HMCN1: variants seen among roughly 807,000 people sequenced by gnomAD.
The protein encoded by HMCN1 is hemicentin 1.
Under a neutral mutation model 625.9 loss-of-function variants are expected in HMCN1, and 321 were observed. That is an observed-to-expected ratio of 0.51 (90% CI 0.47 to 0.56). HMCN1 has a LOEUF of 0.56. Among genes scored for constraint, HMCN1 ranks in the 20% least tolerant of loss-of-function variants. HMCN1 has a pLI of 0.00. For missense variants in HMCN1, 6,588 were observed against 6,887.3 expected, an observed-to-expected ratio of 0.96 and a Z score of 1.54; for synonymous variants, 2,425 against 2,417.6, an observed-to-expected ratio of 1.00 and a Z score of -0.09.
intron 93 of HMCN1, among the ~76,000 whole-genome samples, chr1:186,148,010 G>T (rs1558259842): frequency 6.6e-6 from 1 of 152,170 alleles, no homozygotes; most frequent in African/African-American, 2.4e-5. Context: ...CTGTTAAATA[G>T]CACTTTACCC....
chr1:186,036,514 A>T (rs924067983), intron 36 of HMCN1, among the ~76,000 whole-genome samples: 4 of 152,042 alleles, frequency 2.6e-5, no homozygotes, highest in Non-Finnish European at 5.9e-5. Context: ...TTATCTACCA[A>T]TGGGTCCCTC....
chr1:186,108,035 TAAAAA>T (rs559777006), intron 70 of HMCN1, among the ~76,000 whole-genome samples: 1 of 98,308 alleles, frequency 1.0e-5, no homozygotes, highest in Non-Finnish European at 2.0e-5. Flanking sequence ...GTAAATTCTG[TAAAAA>T]AAAAAAAAAA....
intron 4 of HMCN1, among the ~76,000 whole-genome samples, chr1:185,878,841 G>GTCTTCAGCCCT (rs1245124933): frequency 1.3e-5 from 2 of 152,040 alleles, no homozygotes; most frequent in African/African-American, 4.8e-5. Context: ...TACTCTGTGC[G>GTCTTCAGCCCT]GATGATGTCC....
At chr1:186,117,691 C>G in intron 77 of HMCN1, 68 bp downstream of exon 77, 7 of 1,428,154 alleles carry the variant, frequency 4.9e-6, no homozygotes, top group Non-Finnish European at 3.0e-6. Flanking sequence ...TCTTACCTGG[C>G]CTTTGTTGCA....
chr1:185,867,064 T>A (rs1319027374), intron 4 of HMCN1, among the ~76,000 whole-genome samples: 1 of 152,222 alleles, frequency 6.6e-6, no homozygotes, highest in East Asian at 1.9e-4. Flanking sequence ...GTTCTTATTA[T>A]ATCAAGGTGG....
intron 48 of HMCN1, 39 bp downstream of exon 48, chr1:186,062,639 C>T (rs760063941): frequency 7.6e-7 from 1 of 1,319,892 alleles, no homozygotes; most frequent in Admixed American, 1.7e-5. Context: ...GCTCCCCCCA[C>T]TCACTGATAG....
chr1:185,849,181 A>C (rs1328723400), intron 2 of HMCN1, among the ~76,000 whole-genome samples: 1 of 152,102 alleles, frequency 6.6e-6, no homozygotes, highest in East Asian at 1.9e-4. Flanking sequence ...GAGGCCTTGC[A>C]TAGAGCTTCC....
Position 186,152,748 on chromosome 1 carries a change from AGG to A in HMCN1, c.14897-1_14897del. On this transcript the variant is annotated splice_acceptor_variant and coding_sequence_variant, in exon 96 of 107. Coordinates refer to ENST00000271588, the MANE Select transcript of HMCN1 (RefSeq NM_031935.3). LOFTEE classifies it high-confidence loss of function. ...TCAAAATGAATGTCTTGTAATTCCC[AGG>A]AGAAATCTTGCAGATGAGTCATATT... 1 of 1,613,788 alleles carries A rather than the reference AGG, an allele frequency of 6.2e-7. No homozygotes were observed. Among genetic ancestry groups the A allele is most frequent in the Non-Finnish European group, 8.5e-7 (1 of 1,179,722 alleles).
At chr1:186,115,655 T>C (rs942059154) in intron 75 of HMCN1, among the ~76,000 whole-genome samples, 3 of 152,204 alleles carry the variant, frequency 2.0e-5, no homozygotes, top group African/African-American at 7.2e-5. Context: ...TAGGATTAGA[T>C]TTATATCCTG....
intron 36 of HMCN1, among the ~76,000 whole-genome samples, chr1:186,029,519 G>C (rs147966327): frequency 3.4e-5 from 5 of 146,440 alleles, no homozygotes; most frequent in South Asian, 4.4e-4. Flanking sequence ...GCATACAACT[G>C]TTTGTAATCT....
chr1:186,014,076 AG>A (rs1239146850), intron 30 of HMCN1, among the ~76,000 whole-genome samples: 1 of 152,160 alleles, frequency 6.6e-6, no homozygotes, highest in East Asian at 1.9e-4. Context: ...GGGTTACCAA[AG>A]GTACATGCTG....
chr1:186,175,458 T>C (rs572928525), intron 103 of HMCN1, among the ~76,000 whole-genome samples: 7 of 152,324 alleles, frequency 4.6e-5, no homozygotes, highest in African/African-American at 1.7e-4. Flanking sequence ...AGCATAATAT[T>C]TTGTATGTAC....
chr1:185,975,268 G>A (rs1651116171), intron 15 of HMCN1, among the ~76,000 whole-genome samples: 1 of 152,124 alleles, frequency 6.6e-6, no homozygotes, highest in Non-Finnish European at 1.5e-5. Flanking sequence ...CAAAGACTGG[G>A]TAATTTGTGA....
At chr1:186,104,032 C>T (rs924396716) in intron 69 of HMCN1, among the ~76,000 whole-genome samples, 5 of 152,096 alleles carry the variant, frequency 3.3e-5, no homozygotes, top group African/African-American at 1.2e-4. Flanking sequence ...CACTTTTGAT[C>T]TCCAAAATGA....
At chr1:185,913,261 G>GT (rs1398436843) in intron 6 of HMCN1, among the ~76,000 whole-genome samples, 7 of 152,100 alleles carry the variant, frequency 4.6e-5, no homozygotes, top group South Asian at 4.1e-4. Flanking sequence ...CTTCCTGCCT[G>GT]TTTTTTTTCC....
intron 33 of HMCN1, 36 bp downstream of exon 33, chr1:186,017,107 C>T (rs41317473): frequency 0.013 from 15,053 of 1,125,170 alleles, 154 homozygotes; most frequent in Middle Eastern, 0.031. Flanking sequence ...ATACCTCCTG[C>T]TTTTTGTTTT....
At chr1:186,129,840 C>A in intron 83 of HMCN1, 126 bp from the exon 84 acceptor site, 1 of 1,130,684 alleles carries the variant, frequency 8.8e-7, no homozygotes, top group Non-Finnish European at 1.3e-6. Flanking sequence ...AGGCTCTCTT[C>A]TCCAATGTCA....
Position 186,038,995 on chromosome 1 carries a change from G to A in HMCN1, c.6018G>A (p.Leu2006=), listed in dbSNP as rs576917433. The change falls in exon 38 of 107, where the codon CTG becomes CTA. Residue 2006 remains leucine (L), a synonymous_variant. Transcript: ENST00000271588. ...SAGATELFYS[L]QVHVAPSISG... The stretch of plus-strand genomic sequence containing the variant: ...GAGCTACAGAGTTATTTTACAGTCT[G>A]CAAGTTCATGGTTAGTGCCACTTCA... The A allele has an allele frequency of 9.3e-6, 15 of 1,609,356 alleles. No homozygotes were observed. The South Asian group carries it at 1.4e-4, about 15-fold the overall frequency.
intron 96 of HMCN1, 117 bp from the exon 97 acceptor site, chr1:186,153,631 ATG>A (rs941980000): frequency 8.6e-6 from 7 of 810,740 alleles, no homozygotes; most frequent in African/African-American, 8.4e-5. Context: ...ATCATGCATG[ATG>A]TGTGTTTTTT....
Sources: gnomAD v4.1 joint callset for allele counts (sites outside exome capture counted in the v4.1 genomes callset) on GRCh38, gnomAD v4.1.1 for gene constraint, MANE v1.5 for transcripts, NCBI Gene and HGNC (gene_info 2026-07-23, HGNC 2026-07-21) for gene names.